NIBAN2: variants seen among roughly 807,000 people sequenced by gnomAD.
NIBAN2 encodes the protein protein Niban 2.
NIBAN2 carries 36 observed loss-of-function variants against 81.8 expected under a neutral mutation model. That is an observed-to-expected ratio of 0.44 (90% CI 0.34 to 0.58). NIBAN2 has a LOEUF of 0.58. NIBAN2 is among the 20% of genes least tolerant of loss of function. The pLI, the probability that NIBAN2 is intolerant of heterozygous loss-of-function variation, is 0.02. For missense variants in NIBAN2, 897 were observed against 1,014.1 expected, an observed-to-expected ratio of 0.88 and a Z score of 1.57; for synonymous variants, 445 against 441.6, an observed-to-expected ratio of 1.01 and a Z score of -0.10.
intron 1 of NIBAN2, among the ~76,000 whole-genome samples, chr9:127,549,496 G>A (rs770882828): frequency 2.6e-4 from 40 of 152,078 alleles, no homozygotes; most frequent in African/African-American, 8.5e-4. Context: ...CTCACACACC[G>A]TGCATCCACT....
chr9:127,529,206 G>A (rs912959449), intron 2 of NIBAN2, among the ~76,000 whole-genome samples: 1 of 152,184 alleles, frequency 6.6e-6, no homozygotes, highest in South Asian at 2.1e-4. Flanking sequence ...CTCCTGTGTC[G>A]GCACCACCGA....
At chr9:127,531,615 A>G in intron 2 of NIBAN2, 33 bp downstream of exon 2, 1 of 1,600,334 alleles carries the variant, frequency 6.2e-7, no homozygotes, top group South Asian at 1.1e-5. Flanking sequence ...GAGAAGTAGC[A>G]GAACATACCC....
At chr9:127,554,468 G>A (rs182410799) in intron 1 of NIBAN2, among the ~76,000 whole-genome samples, 3 of 152,018 alleles carry the variant, frequency 2.0e-5, no homozygotes, top group Non-Finnish European at 1.5e-5. Flanking sequence ...GGCCAGAATG[G>A]CTTAGATTCT....
chr9:127,546,750 C>T (rs935863371), intron 1 of NIBAN2, among the ~76,000 whole-genome samples: 1 of 152,108 alleles, frequency 6.6e-6, no homozygotes, highest in Non-Finnish European at 1.5e-5. Context: ...TTATGTTGCT[C>T]TCACTCATTC....
At chr9:127,575,037 G>A (rs889279294) in intron 1 of NIBAN2, among the ~76,000 whole-genome samples, 3 of 152,106 alleles carry the variant, frequency 2.0e-5, no homozygotes, top group African/African-American at 7.2e-5. Flanking sequence ...ACACAGATAC[G>A]ACCTTGCCAT....
chr9:127,517,982 C>A lies in NIBAN2; in HGVS notation c.590-41G>T. The A allele has an allele frequency of 7.3e-7, 1 of 1,374,528 alleles. No homozygotes were observed. The highest frequency in any genetic ancestry group is 2.1e-5 in the Admixed American group (1 of 48,044). 85.1% of individuals were successfully genotyped at this position (1,374,528 alleles called of 1,614,324 possible). A position where few individuals can be genotyped will look rare whatever the true frequency, so the allele number is the denominator to read the frequency against. On this transcript the variant is annotated intron_variant, in intron 5 of 13. Coordinates refer to ENST00000373312, the MANE Select transcript of NIBAN2 (RefSeq NM_022833.4). This position sits in a 1 kb window ranked among gnomAD's most constrained non-coding sequence, Gnocchi z 4.0. ...AGGGAGAGAGGAGGTCAGCAGATGG[C>A]CCAGTGGCCTCTACCAAGACCAACT...
upstream of NIBAN2, among the ~76,000 whole-genome samples, chr9:127,570,407 T>C (rs909586982): frequency 6.6e-6 from 1 of 152,182 alleles, no homozygotes; most frequent in Non-Finnish European, 1.5e-5. Flanking sequence ...AAGCCCAAGC[T>C]GCCCTCCCCT....
chr9:127,535,299 G>A (rs1412857900), intron 1 of NIBAN2, among the ~76,000 whole-genome samples: 2 of 152,232 alleles, frequency 1.3e-5, no homozygotes, highest in Non-Finnish European at 2.9e-5. Context: ...TCAACTGCCC[G>A]GACAGCACAG....
At chr9:127,547,705 C>T (rs532627656) in intron 1 of NIBAN2, among the ~76,000 whole-genome samples, 2 of 151,658 alleles carry the variant, frequency 1.3e-5, no homozygotes, top group East Asian at 1.9e-4. Context: ...GGTGTGGTGG[C>T]GCATGCCTGT....
chr9:127,527,856 G>A (rs1837105557), intron 2 of NIBAN2, among the ~76,000 whole-genome samples: 1 of 152,166 alleles, frequency 6.6e-6, no homozygotes, highest in African/African-American at 2.4e-5. Flanking sequence ...GCTCCAGAGA[G>A]CCTGTCAGCT....
In NIBAN2 at chr9:127,559,085, A is replaced by G. The variant is rs1343732272; in HGVS notation, c.55+9735T>C. Among the ~76,000 whole-genome samples the G allele has an allele frequency of 6.6e-6, 1 of 152,194 alleles. No homozygotes were observed. Among genetic ancestry groups the G allele is most frequent in the Non-Finnish European group, 1.5e-5 (1 of 68,020 alleles). On this transcript the variant is annotated intron_variant, in intron 1 of 13. Transcript: ENST00000373312. The surrounding 1 kb of genome is among the most constrained non-coding windows in gnomAD (Gnocchi z 4.0). The stretch of plus-strand genomic sequence containing the variant: ...GATGGGCCGACTGAGTGCTGAAACC[A>G]ACATACACTCTGGGAAACAAAGATC...
Position 127,506,715 on chromosome 9 carries a change from G to A in NIBAN2, c.*130C>T. On this transcript the variant is annotated 3_prime_UTR_variant, in exon 14 of 14. Transcript: ENST00000373312. Reference sequence around the variant, plus strand: ...GTGACTCAGGTGGGCCCGCTCCCTGGCGGTGCCACACAGCCCTGCCCCGCC... The same window carrying A: ...GTGACTCAGGTGGGCCCGCTCCCTGACGGTGCCACACAGCCCTGCCCCGCC... 1 of 729,472 alleles carries A rather than the reference G, an allele frequency of 1.4e-6. No individual in the cohort carries two copies. 45.2% of individuals were successfully genotyped at this position (729,472 alleles called of 1,614,324 possible). A position where few individuals can be genotyped will look rare whatever the true frequency, so the allele number is the denominator to read the frequency against.
Position 127,531,310 on chromosome 9 carries a change from C to T in NIBAN2, c.186+338G>A, listed in dbSNP as rs567030037. On this transcript the variant is annotated intron_variant, in intron 2 of 13. Transcript: ENST00000373312. ...CCAGCCTGGCCAACATGGTAAAACCCCATCTCTACTAAAAATACAAAAACT... is the reference window on the plus strand; with the variant it reads ...CCAGCCTGGCCAACATGGTAAAACCTCATCTCTACTAAAAATACAAAAACT... 9.9e-5 allele frequency among the ~76,000 whole-genome samples: 15 copies of T among 152,086 alleles called. No individual in the cohort carries two copies. In the South Asian group the frequency reaches 3.1e-3, roughly 32 times the overall value.
At chr9:127,549,487 T>C (rs1837537186) in intron 1 of NIBAN2, among the ~76,000 whole-genome samples, 1 of 151,954 alleles carries the variant, frequency 6.6e-6, no homozygotes, top group South Asian at 2.1e-4. Context: ...ACATGTACAC[T>C]CACACACCGT....
chr9:127,527,278 C>G lies in NIBAN2; in HGVS notation c.231G>C (p.Gln77His). The G allele has an allele frequency of 6.2e-7, 1 of 1,613,796 alleles. No homozygotes were observed. Among genetic ancestry groups the G allele is most frequent in the Admixed American group, 1.7e-5 (1 of 59,994 alleles). The change falls in exon 3 of 14, where the codon CAG becomes CAC. Residue 77 changes from glutamine to histidine, a missense_variant. Physicochemically the swap from Gln to His is conservative, Grantham distance 24. Coordinates refer to ENST00000373312, the MANE Select transcript of NIBAN2 (RefSeq NM_022833.4). ...TCCACTTCTTGCTGTCCTCCTGGTG[C>G]TGGAAGAGGTTCCCCGAGAAGACGA... ...ERIVFSGNLF[Q>H]HQEDSKKWRN...
chr9:127,567,752 C>T (rs1396030575), intron 1 of NIBAN2, among the ~76,000 whole-genome samples: 1 of 152,188 alleles, frequency 6.6e-6, no homozygotes, highest in African/African-American at 2.4e-5. Context: ...GAACCGTCAC[C>T]CCACATACAA....
chr9:127,508,545 G>T lies in NIBAN2; in HGVS notation c.1318-7C>A. ...ACACGGCATTGTCCATTTGCTGCAG[G>T]GCATACCGCGGACATGTGAAGCCCC... On this transcript the variant is annotated splice_region_variant and splice_polypyrimidine_tract_variant and intron_variant, in intron 10 of 13. Transcript: ENST00000373312. This position sits in a 1 kb window ranked among gnomAD's most constrained non-coding sequence, Gnocchi z 6.4. The T allele has an allele frequency of 6.2e-7, 1 of 1,609,922 alleles. No homozygotes were observed. Among genetic ancestry groups the T allele is most frequent in the Non-Finnish European group, 8.5e-7 (1 of 1,176,802 alleles).
intron 1 of NIBAN2, among the ~76,000 whole-genome samples, chr9:127,548,456 C>G (rs530979002): frequency 1.3e-5 from 2 of 152,292 alleles, no homozygotes; most frequent in East Asian, 3.9e-4. Context: ...CGCCAACTCA[C>G]GTGTGGCCCT....
intron 1 of NIBAN2, among the ~76,000 whole-genome samples, chr9:127,537,717 C>T (rs1837305128): frequency 6.6e-6 from 1 of 152,220 alleles, no homozygotes. Flanking sequence ...TTTGCCCCAA[C>T]ACACACCATT....
Sources: gnomAD v4.1 joint callset for allele counts (sites outside exome capture counted in the v4.1 genomes callset) on GRCh38, gnomAD v4.1.1 for gene constraint, Gnocchi (gnomAD v3.1) non-coding constraint, MANE v1.5 for transcripts, NCBI Gene and HGNC (gene_info 2026-07-23, HGNC 2026-07-21) for gene names.